TTC36: variants seen among roughly 807,000 people sequenced by gnomAD.
TTC36 encodes the protein tetratricopeptide repeat protein 36.
In TTC36, 15 loss-of-function variants were observed where a neutral mutation model predicts 17.5. The ratio of observed to expected loss-of-function variants is 0.86; its 90% CI spans 0.57 to 1.32. The LOEUF is 1.32. Ranked by LOEUF, TTC36 falls within the 40% of genes most tolerant of loss-of-function variation. The pLI, the probability that TTC36 is intolerant of heterozygous loss-of-function variation, is 0.00. For missense variants in TTC36, 292 were observed against 260.9 expected (o/e 1.12, Z -0.82); for synonymous variants, 112 against 109.8 (o/e 1.02, Z -0.13).
Position 118,530,090 on chromosome 11 carries a change from C to T in TTC36, c.308-564C>T, listed in dbSNP as rs1555056988. On this transcript the variant is annotated intron_variant, in intron 2 of 2. Coordinates refer to ENST00000302783, the MANE Select transcript of TTC36 (RefSeq NM_001080441.4). The surrounding 1 kb of genome is among the most constrained non-coding windows in gnomAD (Gnocchi z 5.8). ...CAAAGAATGATGAAAGGCAATCAGT[C>T]CAGGATACAGGGGAGAGAGAAGGTG... Among the ~76,000 whole-genome samples, 1 of 152,080 alleles carries T rather than the reference C, an allele frequency of 6.6e-6. No homozygotes were observed. The highest frequency in any genetic ancestry group is 2.4e-5 in the African/African-American group (1 of 41,376).
chr11:118,528,307 G>A (rs1184490623), intron 1 of TTC36, among the ~76,000 whole-genome samples: 1 of 152,150 alleles, frequency 6.6e-6, no homozygotes, highest in East Asian at 1.9e-4. Context: ...GCCTGTTGAG[G>A]CCATACACAA....
intron 2 of TTC36, among the ~76,000 whole-genome samples, chr11:118,529,526 T>TGGGACCATGCTG (rs1273196390): frequency 6.6e-6 from 1 of 152,174 alleles, no homozygotes; most frequent in Non-Finnish European, 1.5e-5. Flanking sequence ...GTGAAGACAA[T>TGGGACCATGCTG]GGGACCATGC....
chr11:118,529,960 G>A (rs1951175056), intron 2 of TTC36, among the ~76,000 whole-genome samples: 1 of 152,220 alleles, frequency 6.6e-6, no homozygotes, highest in South Asian at 2.1e-4. Flanking sequence ...TCTGAGTTCA[G>A]AGTTCTGAGG....
In TTC36 at chr11:118,530,398, A is replaced by T. The variant is rs1951189065; in HGVS notation, c.308-256A>T. On this transcript the variant is annotated intron_variant, in intron 2 of 2. Coordinates refer to ENST00000302783, the MANE Select transcript of TTC36 (RefSeq NM_001080441.4). The surrounding 1 kb of genome is among the most constrained non-coding windows in gnomAD (Gnocchi z 5.8). ...ATTAGCGGTGGAAAATAATAGGAACAAGGCGAGACCTGGACTTCAGTCCCA... is the reference window on the plus strand; with the variant it reads ...ATTAGCGGTGGAAAATAATAGGAACTAGGCGAGACCTGGACTTCAGTCCCA... 4.7e-6 allele frequency: 2 copies of T among 425,432 alleles called. No homozygotes were observed. The highest frequency in any genetic ancestry group is 8.2e-6 in the Non-Finnish European group (2 of 244,728). The allele number at this position is 425,432 out of a possible 1,614,324, so 26.4% of individuals were successfully genotyped here. A position where few individuals can be genotyped will look rare whatever the true frequency, so the allele number is the denominator to read the frequency against.
Position 118,527,527 on chromosome 11 carries a change from G to C in TTC36, c.33G>C (p.Gln11His). The C allele has an allele frequency of 3.7e-6, 6 of 1,614,172 alleles. No homozygotes were observed. Among genetic ancestry groups the C allele is most frequent in the Non-Finnish European group, 5.1e-6 (6 of 1,180,028 alleles). The change falls in exon 1 of 3, where the codon CAG becomes CAC. Residue 11 changes from glutamine to histidine, a missense_variant. Gln to His is a conservative substitution (Grantham distance 24). Transcript: ENST00000302783. ...CTCCAAATGATCAGGCAGTGCTGCA[G>C]GCCATCTTCAACCCTGACACCCCAT... is the stretch of plus-strand genomic sequence containing the variant. MGTPNDQAVL[Q>H]AIFNPDTPFG...
In TTC36 at chr11:118,530,621, A is replaced by AC. The variant is rs1230069105; in HGVS notation, c.308-28dup. 8.6e-6 allele frequency: 12 copies of AC among 1,390,402 alleles called. No individual in the cohort carries two copies. In the African/African-American group the frequency reaches 1.4e-4, roughly 16 times the overall value. 86.1% of individuals were successfully genotyped at this position (1,390,402 alleles called of 1,614,324 possible). On this transcript the variant is annotated intron_variant, in intron 2 of 2. Coordinates refer to ENST00000302783, the MANE Select transcript of TTC36 (RefSeq NM_001080441.4). This position sits in a 1 kb window ranked among gnomAD's most constrained non-coding sequence, Gnocchi z 5.8. Reference sequence around the variant, plus strand: ...GGCAAGGCCGCCCTGGCCTCCGCTGACCCCCGCCCCGCCCGTCTCGTCGGT... The same window carrying AC: ...GGCAAGGCCGCCCTGGCCTCCGCTGACCCCCCGCCCCGCCCGTCTCGTCGGT...
Position 118,527,623 on chromosome 11 carries a change from G to T in TTC36, c.118+11G>T. On this transcript the variant is annotated intron_variant, in intron 1 of 2. Coordinates refer to ENST00000302783, the MANE Select transcript of TTC36 (RefSeq NM_001080441.4). ...AAGAACGAGAAGAAGGTGGGCATTT[G>T]ATCTGGAGTGTAGCTCTGCACATAG... The T allele has an allele frequency of 1.2e-6, 2 of 1,601,378 alleles. No individual in the cohort carries two copies. Among genetic ancestry groups the T allele is most frequent in the South Asian group, 2.2e-5 (2 of 90,738 alleles).
chr11:118,527,650 C>A, intron 1 of TTC36, 38 bp downstream of exon 1: 1 of 1,451,094 alleles, frequency 6.9e-7, no homozygotes, highest in Non-Finnish European at 9.7e-7. Context: ...TGCACATAGG[C>A]TGGCCTGCTG....
intron 1 of TTC36, 119 bp from the exon 2 acceptor site, chr11:118,528,484 G>T: frequency 1.9e-6 from 2 of 1,038,426 alleles, no homozygotes; most frequent in Non-Finnish European, 2.8e-6. Flanking sequence ...ACTGACCCCT[G>T]CTGTGACCCA....
rs1555057277 is a variant in TTC36, at chr11:118,530,649, C to T, written c.308-5C>T. The T allele has an allele frequency of 8.3e-6, 12 of 1,445,290 alleles. No individual in the cohort carries two copies. Among genetic ancestry groups the T allele is most frequent in the South Asian group, 1.4e-5 (1 of 72,668 alleles). The allele number at this position is 1,445,290 out of a possible 1,614,324, so 89.5% of individuals were successfully genotyped here. On this transcript the variant is annotated splice_polypyrimidine_tract_variant and splice_region_variant and intron_variant, in intron 2 of 2. Coordinates refer to ENST00000302783, the MANE Select transcript of TTC36 (RefSeq NM_001080441.4). The surrounding 1 kb of genome is among the most constrained non-coding windows in gnomAD (Gnocchi z 5.8). ...CCCGCCCCGCCCGTCTCGTCGGTCC[C>T]GCAGGCGCCCTGGAGGATCTGGAAC...
Position 118,528,666 on chromosome 11 carries a change from C to A in TTC36, c.182C>A (p.Ala61Glu). 6.2e-7 allele frequency: 1 copy of A among 1,612,196 alleles called. No individual in the cohort carries two copies. The highest frequency in any genetic ancestry group is 8.5e-7 in the Non-Finnish European group (1 of 1,178,986). ...SKALELQGVM[A>E]AEAGDLSTAL... ...GCCCTGGAGCTGCAGGGGGTGATGG[C>A]AGCAGAGGCTGGGGACCTCAGCACA... The change falls in exon 2 of 3, where the codon GCA becomes GAA. Residue 61 changes from alanine (A) to glutamate (E), a missense_variant. By Grantham distance (107) the Ala-to-Glu change is moderately radical. Coordinates refer to ENST00000302783, the MANE Select transcript of TTC36 (RefSeq NM_001080441.4).
rs1247719096 is a variant in TTC36, at chr11:118,530,009, A to T, written c.308-645A>T. Among the ~76,000 whole-genome samples the T allele has an allele frequency of 1.3e-5, 2 of 152,244 alleles. No individual in the cohort carries two copies. The highest frequency in any genetic ancestry group is 2.9e-5 in the Non-Finnish European group (2 of 68,042). Reference sequence around the variant, plus strand: ...TTTTATGAGAATAATAACAATAAAAATGGTGCAGGCCAGCTCTGGCTCCAG... The same window carrying T: ...TTTTATGAGAATAATAACAATAAAATTGGTGCAGGCCAGCTCTGGCTCCAG... On this transcript the variant is annotated intron_variant, in intron 2 of 2. Transcript: ENST00000302783. This position sits in a 1 kb window ranked among gnomAD's most constrained non-coding sequence, Gnocchi z 5.8.
chr11:118,528,983 T>C (rs534069848), intron 2 of TTC36, among the ~76,000 whole-genome samples, 192 bp downstream of exon 2: 1 of 152,322 alleles, frequency 6.6e-6, no homozygotes, highest in East Asian at 1.9e-4. Flanking sequence ...AGAGACTGCA[T>C]TCCATTGATT....
At chr11:118,528,554 T>C (rs1388790970) in intron 1 of TTC36, 49 bp from the exon 2 acceptor site, 6 of 1,497,326 alleles carry the variant, frequency 4.0e-6, no homozygotes, top group Non-Finnish European at 4.5e-6. Context: ...CTTTTTCTTC[T>C]TGCTACCAAC....
At position 118,530,889 on chromosome 11, in the gene TTC36, G is replaced by C; in HGVS notation, c.543G>C (p.Gln181His). ...CNRMLADMMGQLRRPRDSR is the reference protein window; with the variant it reads ...CNRMLADMMGHLRRPRDSR Reference sequence around the variant, plus strand: ...GCATGCTGGCCGACATGATGGGGCAGCTGCGCCGCCCCCGTGACAGCCGCT... The same window carrying C: ...GCATGCTGGCCGACATGATGGGGCACCTGCGCCGCCCCCGTGACAGCCGCT... The change falls in exon 3 of 3, where the codon CAG (glutamine) becomes CAC (histidine). Residue 181 changes from glutamine (Q) to histidine (H), a missense_variant. Transcript: ENST00000302783. The surrounding 1 kb of genome is among the most constrained non-coding windows in gnomAD (Gnocchi z 5.8). 6.6e-7 allele frequency: 1 copy of C among 1,505,432 alleles called. No individual in the cohort carries two copies. Among genetic ancestry groups the C allele is most frequent in the Non-Finnish European group, 8.8e-7 (1 of 1,134,458 alleles). 93.3% of individuals were successfully genotyped at this position (1,505,432 alleles called of 1,614,324 possible). A position where few individuals can be genotyped will look rare whatever the true frequency, so the allele number is the denominator to read the frequency against.
chr11:118,528,898 C>T (rs2135326784), intron 2 of TTC36, 107 bp downstream of exon 2: 1 of 1,022,768 alleles, frequency 9.8e-7, no homozygotes, highest in Admixed American at 3.0e-5. Flanking sequence ...CCCTGTGGAG[C>T]CTGTCTTCTT....
At chr11:118,528,868 C>G in intron 2 of TTC36, 77 bp downstream of exon 2, 1 of 1,392,972 alleles carries the variant, frequency 7.2e-7, no homozygotes, top group Non-Finnish European at 9.6e-7. Context: ...GGCTGTGCGG[C>G]TGGGGTGGCC....
rs1248350947 is a variant in TTC36 at position 118,530,592 on chromosome 11, C to T, written c.308-62C>T. ...CCGCGCGGCCGCAGGTGGGCTGGGG[C>T]TCGGGCAAGGCCGCCCTGGCCTCCG... On this transcript the variant is annotated intron_variant, in intron 2 of 2. Transcript: ENST00000302783. This position sits in a 1 kb window ranked among gnomAD's most constrained non-coding sequence, Gnocchi z 5.8. 20 of 1,358,828 alleles carry T rather than the reference C, an allele frequency of 1.5e-5. No individual in the cohort carries two copies. The highest frequency in any genetic ancestry group is 1.8e-5 in the South Asian group (1 of 55,488). 84.2% of individuals were successfully genotyped at this position (1,358,828 alleles called of 1,614,324 possible).
At chr11:118,529,709 T>C (rs1267600746) in intron 2 of TTC36, among the ~76,000 whole-genome samples, 1 of 152,180 alleles carries the variant, frequency 6.6e-6, no homozygotes, top group East Asian at 1.9e-4. Context: ...TTATCCAGGC[T>C]TATCTGCCCC....
Sources: gnomAD v4.1 joint callset for allele counts (sites outside exome capture counted in the v4.1 genomes callset) on GRCh38, gnomAD v4.1.1 for gene constraint, Gnocchi (gnomAD v3.1) non-coding constraint, MANE v1.5 for transcripts, NCBI Gene and HGNC (gene_info 2026-07-23, HGNC 2026-07-21) for gene names.